The following CREB5 variants were observed in gnomAD, a reference collection of about 807,000 sequenced individuals.
The protein encoded by CREB5 is cyclic AMP-responsive element-binding protein 5.
In CREB5, 19 loss-of-function variants were observed where a neutral mutation model predicts 57.1. The observed-to-expected ratio is 0.33, with a 90% CI of 0.23 to 0.49. The LOEUF is 0.49. CREB5 is among the 20% of genes least tolerant of loss of function. The pLI is 0.99. For missense variants in CREB5, 579 were observed against 671.6 expected, an observed-to-expected ratio of 0.86 and a Z score of 1.52; for synonymous variants, 238 against 238.3, an observed-to-expected ratio of 1.00 and a Z score of 0.01.
chr7:28,645,524 T>G (rs1002894467), intron 5 of CREB5, among the ~76,000 whole-genome samples: 1 of 152,342 alleles, frequency 6.6e-6, no homozygotes, highest in Admixed American at 6.5e-5. Context: ...CCTGAGCTGA[T>G]GTTAATTATA....
In CREB5 at chr7:28,417,810, T is replaced by C. The variant is rs143435948; in HGVS notation, c.3+4893T>C. 2.3e-3 allele frequency among the ~76,000 whole-genome samples: 349 copies of C among 152,342 alleles called. 2 individuals are homozygous for C. Among genetic ancestry groups the C allele is most frequent in the Middle Eastern group, 0.01 (3 of 294 alleles). ...CAAGCATGCTGCACCCTGCAACACA[T>C]ATTTAAGAAAATATAACTGATAAAG... On this transcript the variant is annotated intron_variant, in intron 1 of 10. Coordinates refer to ENST00000357727, the MANE Select transcript of CREB5 (RefSeq NM_182898.4).
At chr7:28,578,644 C>T (rs1406477697) in intron 5 of CREB5, among the ~76,000 whole-genome samples, 1 of 152,126 alleles carries the variant, frequency 6.6e-6, no homozygotes, top group African/African-American at 2.4e-5. Flanking sequence ...CTTGTCTGAA[C>T]TGTTTGATAG....
intron 7 of CREB5, among the ~76,000 whole-genome samples, chr7:28,754,526 A>G (rs1359719304): frequency 6.6e-6 from 1 of 152,092 alleles, no homozygotes; most frequent in Non-Finnish European, 1.5e-5. Flanking sequence ...AGTTATGGGG[A>G]CCCCACTGTG....
chr7:28,317,286 G>T (rs1462508602), intron 1 of CREB5, among the ~76,000 whole-genome samples: 1 of 152,168 alleles, frequency 6.6e-6, no homozygotes, highest in Admixed American at 6.5e-5. Context: ...ACCAGGGTGG[G>T]CACCAGCAGT....
intron 1 of CREB5, among the ~76,000 whole-genome samples, chr7:28,467,970 G>T (rs1305734032): frequency 6.6e-6 from 1 of 152,214 alleles, no homozygotes; most frequent in African/African-American, 2.4e-5. Flanking sequence ...TAAAGCTACT[G>T]TGAGGAGCAG....
At position 28,497,112 on chromosome 7, in the gene CREB5, G is replaced by A. The variant is rs143364825; in HGVS notation, c.169+2113G>A. On this transcript the variant is annotated intron_variant, in intron 3 of 10. Transcript: ENST00000357727. ...AAATAAGCTGCCTGGTGGTAAAGGA[G>A]TGGGAGGTGAGTTTAGGGAATGATG... is the stretch of plus-strand genomic sequence containing the variant. 3.9e-3 allele frequency among the ~76,000 whole-genome samples: 597 copies of A among 152,330 alleles called. 6 individuals are homozygous for A. Among genetic ancestry groups the A allele is most frequent in the African/African-American group, 0.014 (568 of 41,576 alleles).
At chr7:28,360,166 T>G (rs974860398) in intron 1 of CREB5, among the ~76,000 whole-genome samples, 1 of 152,188 alleles carries the variant, frequency 6.6e-6, no homozygotes, top group Non-Finnish European at 1.5e-5. Context: ...ATATGGAGAT[T>G]CCTCAAAAAG....
At chr7:28,672,284 C>A (rs758062942) in intron 5 of CREB5, among the ~76,000 whole-genome samples, 4 of 151,888 alleles carry the variant, frequency 2.6e-5, no homozygotes, top group Non-Finnish European at 4.4e-5. Context: ...CAAGTCATTA[C>A]ACCTTTCTAA....
chr7:28,805,948 T>A (rs1808703267), intron 8 of CREB5, among the ~76,000 whole-genome samples: 1 of 151,952 alleles, frequency 6.6e-6, no homozygotes, highest in Admixed American at 6.6e-5. Flanking sequence ...TCAAATGCTA[T>A]CCAGAGAACA....
intron 1 of CREB5, among the ~76,000 whole-genome samples, chr7:28,413,920 C>T (rs1416576997): frequency 3.9e-5 from 6 of 152,096 alleles, no homozygotes; most frequent in East Asian, 3.8e-4. Context: ...TTCCTAGACT[C>T]CCAATTTCTT....
chr7:28,383,127 G>A (rs1786998746), intron 1 of CREB5, among the ~76,000 whole-genome samples: 1 of 152,190 alleles, frequency 6.6e-6, no homozygotes. Context: ...GGGAGGGTCT[G>A]GAGGCAGAGA....
At chr7:28,752,156 C>T (rs1583668977) in intron 7 of CREB5, among the ~76,000 whole-genome samples, 1 of 152,110 alleles carries the variant, frequency 6.6e-6, no homozygotes, top group African/African-American at 2.4e-5. Context: ...AAGTTCCTAT[C>T]TTTCTCTTTG....
At chr7:28,605,163 G>C (rs1208780761) in intron 5 of CREB5, among the ~76,000 whole-genome samples, 1 of 152,190 alleles carries the variant, frequency 6.6e-6, no homozygotes, top group African/African-American at 2.4e-5. Context: ...AGAAGACCAT[G>C]TCTATAAAGA....
Position 28,718,867 on chromosome 7 carries a change from C to T in CREB5, c.579C>T (p.Ala193=), listed in dbSNP as rs199550023. 1.6e-5 allele frequency: 26 copies of T among 1,614,070 alleles called. No homozygotes were observed. The highest frequency in any genetic ancestry group is 1.7e-4 in the Middle Eastern group (1 of 6,058). ...ACCCTACAATGCCAGGATCTTCCGC[C>T]GTCTTGATGCCAGTAAGTGTTTCTG... ...LPNPTMPGSS[A]VLMPMERQMS... The change falls in exon 6 of 11, where the codon GCC becomes GCT. Residue 193 remains alanine, a synonymous_variant. Transcript: ENST00000357727.
intron 1 of CREB5, among the ~76,000 whole-genome samples, chr7:28,330,357 T>C (rs763517036): frequency 5.9e-5 from 9 of 151,854 alleles, no homozygotes; most frequent in Non-Finnish European, 1.2e-4. Flanking sequence ...TATGACTTAA[T>C]TGTTTAAAAA....
chr7:28,723,565 A>G (rs1055156883), intron 6 of CREB5, among the ~76,000 whole-genome samples: 1 of 152,200 alleles, frequency 6.6e-6, no homozygotes, highest in East Asian at 1.9e-4. Context: ...TGCGTAGAGT[A>G]GCAGGGTAAC....
intron 4 of CREB5, among the ~76,000 whole-genome samples, chr7:28,566,815 G>A (rs1795501164): frequency 6.6e-6 from 1 of 152,210 alleles, no homozygotes; most frequent in African/African-American, 2.4e-5. Flanking sequence ...GAGATTACAG[G>A]AGAGTTAGAA....
chr7:28,369,457 C>T lies in CREB5; in HGVS notation c.-25+70016C>T, dbSNP rs546710736. ...CCTGAGCTGTCAGTGTCCAGCTCTA[C>T]GGACATTGTGGGCAAGTCACATCAT... On this transcript the variant is annotated intron_variant, in intron 1 of 9. Transcript: ENST00000396299. 4.0e-5 allele frequency among the ~76,000 whole-genome samples: 6 copies of T among 149,312 alleles called. No individual in the cohort carries two copies. In the East Asian group the frequency reaches 5.8e-4, roughly 14 times the overall value.
At position 28,566,530 on chromosome 7, in the gene CREB5, T is replaced by C. The variant is rs147428508; in HGVS notation, c.292-3835T>C. Among the ~76,000 whole-genome samples the C allele has an allele frequency of 7.2e-5, 11 of 152,364 alleles. No individual in the cohort carries two copies. In the East Asian group the frequency reaches 2.1e-3, roughly 29 times the overall value. The stretch of plus-strand genomic sequence containing the variant: ...GCAAGATAGAGTCACTCTTTGTGTT[T>C]TTGAAATTGGAGACTTAATTTATCT... On this transcript the variant is annotated intron_variant, in intron 4 of 10. Coordinates refer to ENST00000357727, the MANE Select transcript of CREB5 (RefSeq NM_182898.4).
Sources: gnomAD v4.1 joint callset for allele counts (sites outside exome capture counted in the v4.1 genomes callset) on GRCh38, gnomAD v4.1.1 for gene constraint, MANE v1.5 for transcripts, NCBI Gene and HGNC (gene_info 2026-07-23, HGNC 2026-07-21) for gene names.